LHFPL3: variants seen among roughly 807,000 people sequenced by gnomAD.
The protein encoded by LHFPL3 is LHFPL tetraspan subfamily member 3 protein.
A neutral mutation model predicts 19.3 loss-of-function variants in LHFPL3; 5 were observed. The observed-to-expected ratio is 0.26, with a 90% CI of 0.14 to 0.54. LHFPL3 has a LOEUF of 0.54. LHFPL3 is among the 20% of genes least tolerant of loss of function. The pLI is 0.94. For missense variants in LHFPL3, 249 were observed against 307.4 expected (o/e 0.81, Z 1.42); for synonymous variants, 133 against 126.2 (o/e 1.05, Z -0.36).
At chr7:104,757,957 G>A (rs1584518476) in intron 2 of LHFPL3, among the ~76,000 whole-genome samples, 1 of 152,192 alleles carries the variant, frequency 6.6e-6, no homozygotes, top group East Asian at 1.9e-4. Context: ...CAACCTAGGT[G>A]CCTGTCAGCA....
intron 1 of LHFPL3, among the ~76,000 whole-genome samples, chr7:104,479,840 C>G (rs965701777): frequency 6.6e-6 from 1 of 152,184 alleles, no homozygotes; most frequent in South Asian, 2.1e-4. Flanking sequence ...GTACTTACTG[C>G]GTACCACACA....
chr7:104,719,621 C>T (rs1793449862), intron 1 of LHFPL3, among the ~76,000 whole-genome samples: 1 of 152,082 alleles, frequency 6.6e-6, no homozygotes, highest in Admixed American at 6.6e-5. Context: ...CATATAAAAA[C>T]CAACAGTTTT....
chr7:104,540,590 G>A (rs891835210), intron 1 of LHFPL3, among the ~76,000 whole-genome samples: 4 of 152,156 alleles, frequency 2.6e-5, no homozygotes, highest in Non-Finnish European at 4.4e-5. Flanking sequence ...CTGGGGTAGC[G>A]AATTGTAATT....
intron 2 of LHFPL3, among the ~76,000 whole-genome samples, chr7:104,746,868 G>A (rs148344786): frequency 2.0e-5 from 3 of 152,056 alleles, no homozygotes; most frequent in Non-Finnish European, 4.4e-5. Context: ...TTTGATTAAC[G>A]GGGTGCATAG....
chr7:104,524,173 G>C (rs1281668107), intron 1 of LHFPL3, among the ~76,000 whole-genome samples: 1 of 152,168 alleles, frequency 6.6e-6, no homozygotes, highest in Non-Finnish European at 1.5e-5. Context: ...TAGGAATGGT[G>C]AGAGAAGTTA....
At chr7:104,685,909 C>T (rs1792796009) in intron 1 of LHFPL3, among the ~76,000 whole-genome samples, 1 of 152,138 alleles carries the variant, frequency 6.6e-6, no homozygotes, top group Admixed American at 6.5e-5. Context: ...AAGGCAAGTC[C>T]AAGCAAGACT....
intron 2 of LHFPL3, among the ~76,000 whole-genome samples, chr7:104,795,992 G>A (rs1050735601): frequency 1.3e-5 from 2 of 152,014 alleles, no homozygotes; most frequent in African/African-American, 4.8e-5. Context: ...GCCCACCCCT[G>A]CCCACCCCAG....
chr7:104,578,319 C>A (rs1355121230), intron 1 of LHFPL3, among the ~76,000 whole-genome samples: 2 of 152,182 alleles, frequency 1.3e-5, no homozygotes, highest in Non-Finnish European at 2.9e-5. Context: ...CATTTTCCAT[C>A]CCTCTTCAGG....
chr7:104,852,193 T>C (rs1791426026), intron 2 of LHFPL3, among the ~76,000 whole-genome samples: 1 of 151,830 alleles, frequency 6.6e-6, no homozygotes, highest in Non-Finnish European at 1.5e-5. Context: ...CCACCTTAAT[T>C]AACTGTAAGA....
intron 1 of LHFPL3, among the ~76,000 whole-genome samples, chr7:104,463,328 G>C (rs1425646637): frequency 6.6e-6 from 1 of 152,100 alleles, no homozygotes; most frequent in African/African-American, 2.4e-5. Flanking sequence ...TGTGATATTG[G>C]ATTATTAATT....
intron 2 of LHFPL3, among the ~76,000 whole-genome samples, chr7:104,885,282 T>C (rs1176261316): frequency 1.3e-5 from 2 of 152,254 alleles, no homozygotes; most frequent in East Asian, 1.9e-4. Context: ...GGGCCAGTCC[T>C]TGGCCTTTCC....
chr7:104,608,998 G>A (rs1387294908), intron 1 of LHFPL3, among the ~76,000 whole-genome samples: 1 of 152,192 alleles, frequency 6.6e-6, no homozygotes, highest in Non-Finnish European at 1.5e-5. Context: ...CAGGCATGGT[G>A]GCTCACGCCT....
chr7:104,841,492 G>GC (rs11419624), intron 2 of LHFPL3, among the ~76,000 whole-genome samples: 1 of 141,188 alleles, frequency 7.1e-6, no homozygotes, highest in African/African-American at 2.7e-5. Flanking sequence ...GCATTATGTG[G>GC]GGTGTGTGTG....
chr7:104,545,552 A>G (rs1214828169), intron 1 of LHFPL3, among the ~76,000 whole-genome samples: 1 of 152,228 alleles, frequency 6.6e-6, no homozygotes, highest in Non-Finnish European at 1.5e-5. Context: ...GACAGTATGA[A>G]GAAGGGCTTT....
intron 1 of LHFPL3, among the ~76,000 whole-genome samples, chr7:104,346,703 A>C (rs943298931): frequency 6.6e-6 from 1 of 151,898 alleles, no homozygotes; most frequent in Non-Finnish European, 1.5e-5. Context: ...AAAATACCAA[A>C]TGAAATAATA....
At chr7:104,529,906 G>C (rs1378822661) in intron 1 of LHFPL3, among the ~76,000 whole-genome samples, 2 of 152,138 alleles carry the variant, frequency 1.3e-5, no homozygotes, top group Non-Finnish European at 2.9e-5. Context: ...AAATGAGTCA[G>C]GTTCTGAAGG....
chr7:104,380,095 T>C (rs1314735374), intron 1 of LHFPL3, among the ~76,000 whole-genome samples: 1 of 152,230 alleles, frequency 6.6e-6, no homozygotes, highest in Non-Finnish European at 1.5e-5. Context: ...CTTTCTATTA[T>C]GACTCCATTA....
At chr7:104,677,716 C>T (rs1792619296) in intron 1 of LHFPL3, among the ~76,000 whole-genome samples, 1 of 152,220 alleles carries the variant, frequency 6.6e-6, no homozygotes, top group Admixed American at 6.5e-5. Flanking sequence ...TCAGTAGCCA[C>T]ATGTGGCTAT....
chr7:104,876,390 G>C (rs1791940548), intron 2 of LHFPL3, among the ~76,000 whole-genome samples: 1 of 152,046 alleles, frequency 6.6e-6, no homozygotes, highest in Admixed American at 6.6e-5. Context: ...TCTGACAAAG[G>C]CCTAATATCC....
Sources: gnomAD v4.1 joint callset for allele counts (sites outside exome capture counted in the v4.1 genomes callset) on GRCh38, gnomAD v4.1.1 for gene constraint, MANE v1.5 for transcripts, NCBI Gene and HGNC (gene_info 2026-07-23, HGNC 2026-07-21) for gene names.